The following SIPA1L3 variants were observed in gnomAD, a reference collection of about 807,000 sequenced individuals.
SIPA1L3 encodes the protein signal-induced proliferation-associated 1-like protein 3.
SIPA1L3 carries 59 observed loss-of-function variants against 150.1 expected under a neutral mutation model. That is an observed-to-expected ratio of 0.39 (90% CI 0.32 to 0.49). The LOEUF (loss-of-function observed/expected upper bound fraction) is 0.49, where lower values mean the gene tolerates loss of function less well. Ranked by LOEUF, SIPA1L3 falls within the 20% of genes least tolerant of loss-of-function variation. The pLI is 0.86. For missense variants in SIPA1L3, 2,211 were observed against 2,489.5 expected, an observed-to-expected ratio of 0.89 and a Z score of 2.38; for synonymous variants, 1,070 against 1,077.6, an observed-to-expected ratio of 0.99 and a Z score of 0.14.
chr19:38,069,987 A>C (rs1209511356), intron 2 of SIPA1L3, among the ~76,000 whole-genome samples: 1 of 151,526 alleles, frequency 6.6e-6, no homozygotes, highest in Non-Finnish European at 1.5e-5. Context: ...AGACACCTAT[A>C]TTTTTATAAA....
intron 10 of SIPA1L3, 22 bp downstream of exon 10, chr19:38,130,794 C>T: frequency 6.3e-7 from 1 of 1,575,388 alleles, no homozygotes; most frequent in Non-Finnish European, 8.7e-7. Context: ...CACCTTTCAG[C>T]CAGGTGGTGG....
intron 4 of SIPA1L3, 71 bp downstream of exon 4, chr19:38,088,922 C>T (rs1014444459): frequency 6.5e-7 from 1 of 1,540,008 alleles, no homozygotes; most frequent in Non-Finnish European, 8.9e-7. Flanking sequence ...GTTCTGGGGG[C>T]AAACGCTTCC....
At chr19:38,103,927 GA>G (rs980534358) in intron 6 of SIPA1L3, among the ~76,000 whole-genome samples, 8 of 143,336 alleles carry the variant, frequency 5.6e-5, no homozygotes, top group Non-Finnish European at 7.6e-5. Flanking sequence ...AAAAAGGAAA[GA>G]AAAAAATATA....
intron 1 of SIPA1L3, among the ~76,000 whole-genome samples, chr19:37,995,688 C>G (rs1236303950): frequency 6.6e-6 from 1 of 152,050 alleles, no homozygotes; most frequent in Non-Finnish European, 1.5e-5. Flanking sequence ...TGAACAAAAG[C>G]GGGTTGGGAC....
intron 1 of SIPA1L3, among the ~76,000 whole-genome samples, chr19:37,939,363 G>C (rs1447342894): frequency 1.5e-5 from 2 of 135,302 alleles, no homozygotes; most frequent in Non-Finnish European, 3.0e-5. Flanking sequence ...ATTGCACCAT[G>C]CACTCCAGCC....
At chr19:38,117,035 G>A (rs1370510890) in intron 8 of SIPA1L3, among the ~76,000 whole-genome samples, 1 of 152,182 alleles carries the variant, frequency 6.6e-6, no homozygotes, top group African/African-American at 2.4e-5. Context: ...ATCTCCAAAT[G>A]TGACTCATCA....
intron 13 of SIPA1L3, among the ~76,000 whole-genome samples, chr19:38,159,990 A>G (rs916071491): frequency 4.6e-5 from 7 of 151,978 alleles, no homozygotes; most frequent in African/African-American, 1.4e-4. Context: ...GTCACTTTTT[A>G]TGTATGTCTT....
intron 9 of SIPA1L3, among the ~76,000 whole-genome samples, chr19:38,122,353 C>T (rs863020): frequency 0.23 from 34,750 of 152,132 alleles, 5,232 homozygotes; most frequent in African/African-American, 0.43. Flanking sequence ...CCTCCATTTG[C>T]GGATGTCAGA....
intron 15 of SIPA1L3, among the ~76,000 whole-genome samples, chr19:38,180,969 C>T (rs1345950862): frequency 3.3e-5 from 5 of 152,118 alleles, no homozygotes; most frequent in Non-Finnish European, 5.9e-5. Context: ...ACCATTATTT[C>T]TTCAAATATT....
In SIPA1L3 at chr19:38,206,247, AGGCCGCC is replaced by A; in HGVS notation, c.*9_*15del. 2 of 1,544,020 alleles carry A rather than the reference AGGCCGCC, an allele frequency of 1.3e-6. No individual in the cohort carries two copies. The highest frequency in any genetic ancestry group is 1.8e-6 in the Non-Finnish European group (2 of 1,140,970). ...GGAGAAGAAGGAGCTCTGAGGTGGG[AGGCCGCC>A]GCCCGCCTTCGCTCCTTCCCCTCAG... On this transcript the variant is annotated 3_prime_UTR_variant, in exon 22 of 22. Transcript: ENST00000222345.
intron 1 of SIPA1L3, among the ~76,000 whole-genome samples, chr19:37,953,346 C>T (rs1037569094): frequency 2.6e-5 from 4 of 152,156 alleles, no homozygotes; most frequent in Non-Finnish European, 4.4e-5. Flanking sequence ...CAGATCTGTG[C>T]ACTTTATTAG....
At chr19:38,192,118 C>G in intron 16 of SIPA1L3, 27 bp from the exon 17 acceptor site, 1 of 1,576,904 alleles carries the variant, frequency 6.3e-7, no homozygotes, top group Non-Finnish European at 8.6e-7. Context: ...CCCTGACACC[C>G]CTCTGACCCT....
rs1283956497 is a variant in SIPA1L3, at chr19:38,160,577, T to C, written c.3662-1676T>C. ...CCACCACACCCAGCTATTTTTTGTA[T>C]TTTTTTTAGTAGAGACGGGGTTTCA... is the stretch of plus-strand genomic sequence containing the variant. On this transcript the variant is annotated intron_variant, in intron 13 of 21. Coordinates refer to ENST00000222345, the MANE Select transcript of SIPA1L3 (RefSeq NM_015073.3). Among the ~76,000 whole-genome samples, 5 of 151,548 alleles carry C rather than the reference T, an allele frequency of 3.3e-5. No homozygotes were observed. In the East Asian group the frequency reaches 9.7e-4, roughly 30 times the overall value.
intron 4 of SIPA1L3, among the ~76,000 whole-genome samples, chr19:38,095,688 G>A (rs1346772511): frequency 6.6e-6 from 1 of 152,178 alleles, no homozygotes; most frequent in Non-Finnish European, 1.5e-5. Flanking sequence ...CCAGGTGGGA[G>A]GTGATGGTGG....
rs192161935 is a variant in SIPA1L3 at position 38,057,552 on chromosome 19, C to T, written c.-310-23704C>T. Among the ~76,000 whole-genome samples the T allele has an allele frequency of 2.1e-3, 321 of 151,622 alleles. 3 individuals are homozygous for T. Among genetic ancestry groups the T allele is most frequent in the Non-Finnish European group, 3.7e-3 (254 of 67,936 alleles). On this transcript the variant is annotated intron_variant, in intron 2 of 21. Coordinates refer to ENST00000222345, the MANE Select transcript of SIPA1L3 (RefSeq NM_015073.3). ...TTGCTCATTGAGGTTGGGTTTTTTG[C>T]CTGTTATAAAGGATACTATGAATTT...
intron 1 of SIPA1L3, among the ~76,000 whole-genome samples, chr19:37,987,496 T>C (rs1380399911): frequency 6.6e-6 from 1 of 152,210 alleles, no homozygotes; most frequent in Non-Finnish European, 1.5e-5. Flanking sequence ...CTGTGCATAT[T>C]ATGGGCTGTT....
chr19:38,189,161 G>T (rs1972753202), intron 16 of SIPA1L3, among the ~76,000 whole-genome samples: 1 of 147,424 alleles, frequency 6.8e-6, no homozygotes, highest in African/African-American at 2.5e-5. Context: ...TTTTGAGACA[G>T]GCTCTCACTG....
intron 10 of SIPA1L3, among the ~76,000 whole-genome samples, chr19:38,134,724 A>T (rs2145926150): frequency 6.6e-6 from 1 of 150,980 alleles, no homozygotes; most frequent in Non-Finnish European, 1.5e-5. Context: ...AAAAAAAAAA[A>T]AAAAAAAAGG....
chr19:37,913,080 C>G lies in SIPA1L3; in HGVS notation c.-379+5722C>G, dbSNP rs377121586. Among the ~76,000 whole-genome samples, 7 of 152,216 alleles carry G rather than the reference C, an allele frequency of 4.6e-5. 1 individual carries two copies. In the East Asian group the frequency reaches 1.2e-3, roughly 25 times the overall value. ...TGGCGGGCAGACCAAGTTCAAATCA[C>G]AGTATAGCCACTAACTTGTAAGATG... On this transcript the variant is annotated intron_variant, in intron 1 of 21. Coordinates refer to ENST00000222345, the MANE Select transcript of SIPA1L3 (RefSeq NM_015073.3).
Sources: gnomAD v4.1 joint callset for allele counts (sites outside exome capture counted in the v4.1 genomes callset) on GRCh38, gnomAD v4.1.1 for gene constraint, MANE v1.5 for transcripts, NCBI Gene and HGNC (gene_info 2026-07-23, HGNC 2026-07-21) for gene names.